The following SFXN1 variants were observed in gnomAD, a reference collection of about 807,000 sequenced individuals.
SFXN1 encodes the protein sideroflexin 1.
In SFXN1, 32 loss-of-function variants were observed where a neutral mutation model predicts 39.5. That is an observed-to-expected ratio of 0.81 (90% CI 0.61 to 1.09). The LOEUF is 1.09. SFXN1 is among the 50% of genes least tolerant of loss of function. The pLI is 0.00. For missense variants in SFXN1, 402 were observed against 407.1 expected (o/e 0.99, Z 0.11); for synonymous variants, 136 against 146.5 (o/e 0.93, Z 0.52).
chr5:175,501,270 G>A (rs1276723184), intron 2 of SFXN1, among the ~76,000 whole-genome samples: 1 of 151,920 alleles, frequency 6.6e-6, no homozygotes, highest in African/African-American at 2.4e-5. Flanking sequence ...GGGTTTCACT[G>A]TGTTAGCCAG....
chr5:175,480,987 T>C (rs1410801616), intron 1 of SFXN1, among the ~76,000 whole-genome samples: 1 of 152,272 alleles, frequency 6.6e-6, no homozygotes, highest in African/African-American at 2.4e-5. Context: ...AAACCTGCAC[T>C]TAATTACACA....
chr5:175,520,713 G>A (rs148779638), intron 8 of SFXN1, among the ~76,000 whole-genome samples: 59 of 152,206 alleles, frequency 3.9e-4, no homozygotes, highest in Non-Finnish European at 7.1e-4. Flanking sequence ...ACAGGCTCTC[G>A]CTAAGTACTA....
intron 1 of SFXN1, among the ~76,000 whole-genome samples, chr5:175,487,444 C>T (rs11956099): frequency 0.019 from 2,902 of 152,156 alleles, 80 homozygotes; most frequent in African/African-American, 0.066. Context: ...TGGAAGTGAC[C>T]GGCTACCAAG....
intron 8 of SFXN1, 83 bp from the exon 9 acceptor site, chr5:175,521,836 G>A (rs1162207681): frequency 4.6e-6 from 5 of 1,077,404 alleles, no homozygotes; most frequent in Middle Eastern, 2.1e-4. Context: ...AATGTGGTGA[G>A]AGGTTCCTTC....
At chr5:175,489,923 G>A (rs1016715432) in intron 1 of SFXN1, among the ~76,000 whole-genome samples, 2 of 152,210 alleles carry the variant, frequency 1.3e-5, no homozygotes, top group Non-Finnish European at 2.9e-5. Context: ...CAGGTGGACT[G>A]TGATGTTCCC....
chr5:175,497,936 G>GAAAAAAAAAAAAAAAAAAAAAACAAAAAA (rs71581646), intron 2 of SFXN1, among the ~76,000 whole-genome samples: 1 of 95,852 alleles, frequency 1.0e-5, no homozygotes, highest in Non-Finnish European at 2.3e-5. Flanking sequence ...GTCTCAAAAA[G>GAAAAAAAAAAAAAAAAAAAAAACAAAAAA]AAAAAAAAAA....
intron 2 of SFXN1, among the ~76,000 whole-genome samples, chr5:175,503,725 G>A (rs1169420197): frequency 1.3e-5 from 2 of 152,142 alleles, no homozygotes; most frequent in East Asian, 1.9e-4. Flanking sequence ...AACCCTGGCC[G>A]GGCGTGGTGG....
intron 6 of SFXN1, among the ~76,000 whole-genome samples, chr5:175,513,233 A>G (rs2644669): frequency 0.33 from 47,262 of 145,146 alleles, 8,774 homozygotes; most frequent in African/African-American, 0.51. Flanking sequence ...CCCGGGAGGC[A>G]GAGGTTGCAG....
intron 4 of SFXN1, among the ~76,000 whole-genome samples, chr5:175,510,771 C>T (rs530327110): frequency 6.6e-6 from 1 of 152,048 alleles, no homozygotes; most frequent in Non-Finnish European, 1.5e-5. Flanking sequence ...TAACCAAAAA[C>T]GTTAGTTAGC....
Position 175,529,248 on chromosome 5 carries a change from G to C in SFXN1, c.*2514G>C, listed in dbSNP as rs1412202944. ...AGCTACTCGGGAGGCTGAGGTAGGAGAATCGCTTGAATCCGGGAGCTGGAG... is the reference window on the plus strand; with the variant it reads ...AGCTACTCGGGAGGCTGAGGTAGGACAATCGCTTGAATCCGGGAGCTGGAG... On this transcript the variant is annotated 3_prime_UTR_variant, in exon 11 of 11. Transcript: ENST00000321442. 2 of 151,882 alleles carry C rather than the reference G, an allele frequency of 1.3e-5. No individual in the cohort carries two copies. Among genetic ancestry groups the C allele is most frequent in the African/African-American group, 4.8e-5 (2 of 41,288 alleles). 9.4% of individuals were successfully genotyped at this position (151,882 alleles called of 1,614,324 possible).
chr5:175,515,587 C>A (rs1286302300), intron 7 of SFXN1, among the ~76,000 whole-genome samples: 2 of 152,140 alleles, frequency 1.3e-5, no homozygotes, highest in Non-Finnish European at 2.9e-5. Flanking sequence ...GTATTGTCTC[C>A]AATTTCCTCC....
At chr5:175,526,370 A>T (rs896382209) in intron 10 of SFXN1, among the ~76,000 whole-genome samples, 6 of 151,932 alleles carry the variant, frequency 3.9e-5, no homozygotes, top group Admixed American at 2.6e-4. Flanking sequence ...ATCACCATAC[A>T]CTCTTGCCGG....
intron 1 of SFXN1, among the ~76,000 whole-genome samples, chr5:175,489,740 T>G (rs913868274): frequency 6.6e-6 from 1 of 152,104 alleles, no homozygotes; most frequent in African/African-American, 2.4e-5. Context: ...AATATTATCC[T>G]CCTTCTAGAG....
At chr5:175,514,838 G>A (rs1041073652) in intron 7 of SFXN1, among the ~76,000 whole-genome samples, 1 of 152,192 alleles carries the variant, frequency 6.6e-6, no homozygotes, top group Non-Finnish European at 1.5e-5. Flanking sequence ...AGGGGTGGCT[G>A]CACAGCCACA....
intron 8 of SFXN1, 72 bp from the exon 9 acceptor site, chr5:175,521,847 C>A: frequency 8.3e-7 from 1 of 1,208,210 alleles, no homozygotes; most frequent in Non-Finnish European, 1.2e-6. Flanking sequence ...AGGTTCCTTC[C>A]AGTTAATCAG....
At chr5:175,482,144 G>T (rs963675397) in intron 1 of SFXN1, among the ~76,000 whole-genome samples, 1 of 152,220 alleles carries the variant, frequency 6.6e-6, no homozygotes, top group Non-Finnish European at 1.5e-5. Flanking sequence ...AAAGCCTAGT[G>T]TCTGGGTGTT....
intron 9 of SFXN1, among the ~76,000 whole-genome samples, chr5:175,522,169 CT>C (rs1171605827): frequency 1.3e-5 from 2 of 152,032 alleles, no homozygotes; most frequent in Non-Finnish European, 2.9e-5. Flanking sequence ...TCGTGTGATT[CT>C]TTTTTAAATT....
At chr5:175,503,061 T>C (rs1305414566) in intron 2 of SFXN1, among the ~76,000 whole-genome samples, 1 of 152,064 alleles carries the variant, frequency 6.6e-6, no homozygotes, top group African/African-American at 2.4e-5. Flanking sequence ...AACAGATCCA[T>C]TGGTTGGCAG....
At position 175,492,236 on chromosome 5, in the gene SFXN1, G is replaced by A. The variant is rs762989628; in HGVS notation, c.133G>A (p.Glu45Lys). ...CATTCTGTTAACCAACGAACAACTC[G>A]AGAGTGCGAGAAAAATAGTACATGA... ...RNILLTNEQL[E>K]SARKIVHDYR... The change falls in exon 2 of 11, where the codon GAG becomes AAG. Residue 45 changes from glutamate (E) to lysine (K), a missense_variant. By Grantham distance (56) the Glu-to-Lys change is moderately conservative (BLOSUM62 1). Transcript: ENST00000321442. The A allele has an allele frequency of 1.6e-5, 26 of 1,612,666 alleles. No individual in the cohort carries two copies. The highest frequency in any genetic ancestry group is 3.4e-5 in the Admixed American group (2 of 59,680).
Sources: allele counts gnomAD v4.1 joint callset (sites outside exome capture counted in the v4.1 genomes callset), GRCh38; gene constraint gnomAD v4.1.1; transcripts MANE v1.5; gene names NCBI Gene and HGNC (gene_info 2026-07-23, HGNC 2026-07-21).